EYS: variants seen among roughly 807,000 people sequenced by gnomAD.
The protein encoded by EYS is protein eyes shut homolog.
EYS carries 250 observed loss-of-function variants against 282.1 expected under a neutral mutation model. The ratio of observed to expected loss-of-function variants is 0.89; its 90% CI spans 0.80 to 0.98. EYS has a LOEUF of 0.98. Ranked by LOEUF, EYS falls within the 50% of genes least tolerant of loss-of-function variation. The pLI is 0.00. For synonymous variants in EYS, 1,355 were observed against 1,282.9 expected (o/e 1.06, Z -1.20); for missense variants, 4,016 against 3,709.0 (o/e 1.08, Z -2.15).
intron 7 of EYS, among the ~76,000 whole-genome samples, chr6:65,395,939 T>G (rs190882613): frequency 2.1e-4 from 32 of 152,338 alleles, no homozygotes; most frequent in African/African-American, 7.2e-4. Flanking sequence ...ATTAGTTAGA[T>G]GATACAGTGT....
chr6:65,369,306 AATAT>A (rs972087475), intron 8 of EYS, among the ~76,000 whole-genome samples: 1 of 59,874 alleles, frequency 1.7e-5, no homozygotes, highest in East Asian at 5.5e-4. Flanking sequence ...ATTTATGTAT[AATAT>A]ATATATTATA....
At chr6:63,863,998 G>A (rs946340849) in intron 36 of EYS, among the ~76,000 whole-genome samples, 188 bp downstream of exon 36, 1 of 151,998 alleles carries the variant, frequency 6.6e-6, no homozygotes, top group African/African-American at 2.4e-5. Context: ...TTACTTGATG[G>A]GTATGAGAAG....
intron 22 of EYS, among the ~76,000 whole-genome samples, chr6:64,762,796 T>C (rs978290152): frequency 1.3e-5 from 2 of 152,206 alleles, no homozygotes; most frequent in Non-Finnish European, 2.9e-5. Context: ...TATCCTGTTT[T>C]ATACACCACT....
chr6:64,381,014 C>T (rs1772729234), intron 29 of EYS, among the ~76,000 whole-genome samples: 2 of 138,320 alleles, frequency 1.4e-5, no homozygotes, highest in African/African-American at 5.7e-5. Context: ...AAGACTCCAT[C>T]TCAGAAAAAA....
intron 31 of EYS, among the ~76,000 whole-genome samples, chr6:64,126,536 C>T (rs114736467): frequency 0.02 from 3,064 of 152,042 alleles, 82 homozygotes; most frequent in African/African-American, 0.061. Flanking sequence ...TTTTAAGGTT[C>T]TTCCACCAAA....
At chr6:64,606,978 C>A (rs1766956539) in intron 24 of EYS, among the ~76,000 whole-genome samples, 1 of 152,006 alleles carries the variant, frequency 6.6e-6, no homozygotes, top group Admixed American at 6.6e-5. Flanking sequence ...TACGCATTAA[C>A]TCTTTTCTTA....
intron 26 of EYS, among the ~76,000 whole-genome samples, chr6:64,504,167 T>C (rs950942644): frequency 2.0e-5 from 3 of 152,210 alleles, no homozygotes; most frequent in African/African-American, 7.2e-5. Flanking sequence ...TCCTGATACA[T>C]TGAGTTCTAG....
chr6:64,652,501 A>T (rs12333028), intron 22 of EYS, among the ~76,000 whole-genome samples: 29,635 of 151,862 alleles, frequency 0.2, 3,413 homozygotes, highest in East Asian at 0.35. Flanking sequence ...GCCACCATCC[A>T]TTGAGCTTGG....
At chr6:64,305,003 A>C (rs985836862) in intron 30 of EYS, among the ~76,000 whole-genome samples, 6 of 148,324 alleles carry the variant, frequency 4.0e-5, no homozygotes, top group African/African-American at 1.5e-4. Flanking sequence ...AGTAGAGATG[A>C]CATTGATGAT....
intron 14 of EYS, among the ~76,000 whole-genome samples, chr6:64,954,302 A>G (rs1282619855): frequency 6.6e-6 from 1 of 152,086 alleles, no homozygotes; most frequent in Admixed American, 6.6e-5. Context: ...AAACTAGAAT[A>G]AAGAAGTTTA....
chr6:64,562,847 C>A (rs1765442928), intron 26 of EYS, among the ~76,000 whole-genome samples: 1 of 151,770 alleles, frequency 6.6e-6, no homozygotes, highest in Non-Finnish European at 1.5e-5. Context: ...TTTCTTTCTG[C>A]CAGATACTTT....
Position 63,721,549 on chromosome 6 carries a change from A to G in EYS, c.8482T>C (p.Ser2828Pro), listed in dbSNP as rs1195504887. Residue 2828 changes from serine (S) to proline (P), a missense_variant, in exon 43 of 43, where the codon TCT (serine) becomes CCT (proline). Ser to Pro is a moderately conservative substitution (Grantham distance 74). Coordinates refer to ENST00000503581, the MANE Select transcript of EYS (RefSeq NM_001142800.2). Reference sequence around the variant, plus strand: ...GCCATGGGATTTACAAGATTTAAAGAAGATACTCCTCCAATATAGAAGTCT... The same window carrying G: ...GCCATGGGATTTACAAGATTTAAAGGAGATACTCCTCCAATATAGAAGTCT... ...NTDFYIGGVS[S>P]LNLVNPMAIE... 6.4e-7 allele frequency: 1 copy of G among 1,551,686 alleles called. No homozygotes were observed. Among genetic ancestry groups the G allele is most frequent in the East Asian group, 2.4e-5 (1 of 40,932 alleles).
At chr6:64,694,453 T>G (rs1770507080) in intron 22 of EYS, among the ~76,000 whole-genome samples, 1 of 152,184 alleles carries the variant, frequency 6.6e-6, no homozygotes, top group Admixed American at 6.5e-5. Context: ...GGGGAACTCC[T>G]TGACCCTGCT....
intron 26 of EYS, among the ~76,000 whole-genome samples, chr6:64,466,082 T>G (rs1452965773): frequency 6.6e-6 from 1 of 152,060 alleles, no homozygotes; most frequent in East Asian, 1.9e-4. Flanking sequence ...ATGGTTATTA[T>G]CTAAAAGATG....
At chr6:64,895,793 T>C (rs936122246) in intron 18 of EYS, among the ~76,000 whole-genome samples, 3 of 152,112 alleles carry the variant, frequency 2.0e-5, no homozygotes, top group African/African-American at 7.2e-5. Flanking sequence ...GAGATAAGAA[T>C]ACTTTACACC....
At chr6:64,402,714 T>C (rs973173473) in intron 28 of EYS, among the ~76,000 whole-genome samples, 3 of 152,220 alleles carry the variant, frequency 2.0e-5, no homozygotes, top group African/African-American at 7.2e-5. Flanking sequence ...ATATTAAAAA[T>C]ACCATGCAAT....
At chr6:64,552,235 C>G (rs1399578928) in intron 26 of EYS, among the ~76,000 whole-genome samples, 1 of 152,180 alleles carries the variant, frequency 6.6e-6, no homozygotes, top group Admixed American at 6.5e-5. Flanking sequence ...AGAACAGACT[C>G]TTTGTAGCAA....
intron 26 of EYS, among the ~76,000 whole-genome samples, chr6:64,559,314 G>A (rs1765328812): frequency 7.4e-6 from 1 of 135,138 alleles, no homozygotes; most frequent in South Asian, 2.4e-4. Flanking sequence ...TGCTTTTAGA[G>A]ACCTAGTCTT....
intron 29 of EYS, among the ~76,000 whole-genome samples, chr6:64,340,430 A>G (rs1771057435): frequency 1.3e-5 from 2 of 151,824 alleles, no homozygotes; most frequent in Admixed American, 1.3e-4. Context: ...ACCTACAACC[A>G]ACTGATTTTT....
Sources: allele counts gnomAD v4.1 joint callset (sites outside exome capture counted in the v4.1 genomes callset), GRCh38; gene constraint gnomAD v4.1.1; transcripts MANE v1.5; gene names NCBI Gene and HGNC (gene_info 2026-07-23, HGNC 2026-07-21).